The following RNF150 variants were observed in gnomAD, a reference collection of about 807,000 sequenced individuals.
RNF150 encodes the protein ring finger protein 150.
Under a neutral mutation model 39.3 loss-of-function variants are expected in RNF150, and 24 were observed. The observed-to-expected ratio is 0.61, with a 90% CI of 0.44 to 0.86. RNF150 has a LOEUF of 0.86. Among genes scored for constraint, RNF150 ranks in the 40% least tolerant of loss-of-function variants. RNF150 has a pLI of 0.00. For synonymous variants in RNF150, 255 were observed against 227.3 expected, an observed-to-expected ratio of 1.12 and a Z score of -1.10; for missense variants, 502 against 587.8, an observed-to-expected ratio of 0.85 and a Z score of 1.51.
At chr4:141,038,370 C>A (rs557135638) in intron 1 of RNF150, among the ~76,000 whole-genome samples, 1 of 152,244 alleles carries the variant, frequency 6.6e-6, no homozygotes, top group Admixed American at 6.5e-5. Flanking sequence ...TTGACAGCTT[C>A]TTCTGGGCGT....
chr4:141,189,553 G>A (rs1319426257), intron 1 of RNF150, among the ~76,000 whole-genome samples: 4 of 152,148 alleles, frequency 2.6e-5, no homozygotes, highest in Non-Finnish European at 5.9e-5. Context: ...TTATCTATAA[G>A]CCTCTGACTG....
intron 1 of RNF150, among the ~76,000 whole-genome samples, chr4:141,048,081 A>C (rs1295498319): frequency 6.6e-6 from 1 of 152,180 alleles, no homozygotes; most frequent in African/African-American, 2.4e-5. Context: ...CCCACTTCCT[A>C]TCGGGTCCTC....
At chr4:141,118,468 G>C (rs886416827) in intron 1 of RNF150, among the ~76,000 whole-genome samples, 2 of 152,146 alleles carry the variant, frequency 1.3e-5, no homozygotes, top group Non-Finnish European at 2.9e-5. Flanking sequence ...TAGTATGTCT[G>C]CTTTACCTTT....
chr4:141,052,029 T>A lies in RNF150; in HGVS notation c.484+80296A>T, dbSNP rs369948411. Among the ~76,000 whole-genome samples, 7 of 152,238 alleles carry A rather than the reference T, an allele frequency of 4.6e-5. No homozygotes were observed. The East Asian group carries it at 1.4e-3, about 29-fold the overall frequency. ...ACTAAGTCACATCTTAAGTGGATGGTAGCAGGCAAAGAGAGCTTCTGCAGG... is the reference window on the plus strand; with the variant it reads ...ACTAAGTCACATCTTAAGTGGATGGAAGCAGGCAAAGAGAGCTTCTGCAGG... On this transcript the variant is annotated intron_variant, in intron 1 of 6. Coordinates refer to ENST00000515673, the MANE Select transcript of RNF150 (RefSeq NM_020724.2).
intron 6 of RNF150, among the ~76,000 whole-genome samples, chr4:140,869,929 T>C (rs950317988): frequency 6.6e-6 from 1 of 152,120 alleles, no homozygotes; most frequent in Non-Finnish European, 1.5e-5. Flanking sequence ...TTCTCTTACT[T>C]TGCAGAAGAA....
At chr4:141,005,057 G>A (rs1734812355) in intron 1 of RNF150, among the ~76,000 whole-genome samples, 1 of 152,174 alleles carries the variant, frequency 6.6e-6, no homozygotes, top group Non-Finnish European at 1.5e-5. Flanking sequence ...GGCTTGGCAG[G>A]AGACAGGATA....
chr4:141,151,886 T>G (rs1727309074), intron 1 of RNF150, among the ~76,000 whole-genome samples: 2 of 152,266 alleles, frequency 1.3e-5, no homozygotes, highest in African/African-American at 4.8e-5. Context: ...CAAATTTCAT[T>G]AAGATGGAAA....
intron 1 of RNF150, among the ~76,000 whole-genome samples, chr4:140,990,157 T>A (rs1734145844): frequency 1.3e-5 from 2 of 152,092 alleles, no homozygotes; most frequent in Non-Finnish European, 2.9e-5. Context: ...CACCCAGGAG[T>A]GAAAGGCCTC....
At chr4:140,901,779 A>G (rs1403957590) in intron 6 of RNF150, among the ~76,000 whole-genome samples, 2 of 152,240 alleles carry the variant, frequency 1.3e-5, no homozygotes, top group African/African-American at 4.8e-5. Flanking sequence ...TAATTGTAAA[A>G]GAAACACCAG....
chr4:140,926,026 C>T lies in RNF150; in HGVS notation c.938G>A (p.Arg313His). The T allele has an allele frequency of 2.5e-6, 4 of 1,614,016 alleles. No homozygotes were observed. Among genetic ancestry groups the T allele is most frequent in the Non-Finnish European group, 2.5e-6 (3 of 1,179,920 alleles). ...SCVDPWLLDH[R>H]TCPMCKMNIL... ...GTTCATCTTGCACATGGGACAGGTA[C>T]GATGGTCTAGAAGCCAGGGGTCAAC... Residue 313 changes from arginine to histidine, a missense_variant, in exon 5 of 7, where the codon CGT becomes CAT. Transcript: ENST00000515673.
intron 1 of RNF150, among the ~76,000 whole-genome samples, chr4:141,026,978 T>C (rs1444413759): frequency 6.6e-6 from 1 of 152,168 alleles, no homozygotes; most frequent in Non-Finnish European, 1.5e-5. Context: ...CATGAAGCTA[T>C]GAGGTGTTAT....
Position 141,133,051 on chromosome 4 carries a change from G to A in RNF150, c.-243C>T. 1 of 429,922 alleles carries A rather than the reference G, an allele frequency of 2.3e-6. No homozygotes were observed. Among genetic ancestry groups the A allele is most frequent in the South Asian group, 2.6e-5 (1 of 38,786 alleles). 26.6% of individuals were successfully genotyped at this position (429,922 alleles called of 1,614,324 possible). On this transcript the variant is annotated 5_prime_UTR_variant, in exon 1 of 7. Transcript: ENST00000515673. ...TGCATTTTGCTTCTTGGGCGCCCGG[G>A]GGGCGCGGGAACAGAGGGCCCGCGG...
chr4:140,990,831 A>G (rs1734170839), intron 1 of RNF150, among the ~76,000 whole-genome samples: 1 of 152,032 alleles, frequency 6.6e-6, no homozygotes, highest in Non-Finnish European at 1.5e-5. Flanking sequence ...CATGATTTAT[A>G]TTCCTTTGGG....
chr4:141,065,425 A>G (rs576664813), intron 1 of RNF150, among the ~76,000 whole-genome samples: 40 of 152,300 alleles, frequency 2.6e-4, no homozygotes, highest in African/African-American at 8.2e-4. Flanking sequence ...AACTATTAGA[A>G]AGAGTTTACA....
At chr4:141,114,836 A>G (rs974082188) in intron 1 of RNF150, among the ~76,000 whole-genome samples, 3 of 152,244 alleles carry the variant, frequency 2.0e-5, no homozygotes, top group African/African-American at 7.2e-5. Flanking sequence ...AGGCTGGTTC[A>G]ACATATGCAA....
intron 6 of RNF150, among the ~76,000 whole-genome samples, chr4:140,909,873 A>G (rs1730525040): frequency 6.6e-6 from 1 of 152,184 alleles, no homozygotes; most frequent in African/African-American, 2.4e-5. Flanking sequence ...GCATGTGCAG[A>G]TATTTCTCAC....
chr4:141,096,801 G>T (rs2111024446), intron 1 of RNF150, among the ~76,000 whole-genome samples: 1 of 152,298 alleles, frequency 6.6e-6, no homozygotes, highest in Non-Finnish European at 1.5e-5. Flanking sequence ...GGACCTCAAA[G>T]TCCTGCTTAA....
Position 140,936,962 on chromosome 4 carries a change from G to A in RNF150, c.890+10692C>T, listed in dbSNP as rs183589081. Reference sequence around the variant, plus strand: ...AAAATTTACTACTCCATGGTTCTGAGAGAGTGCTAGCATAAACACTCTCAC... The same window carrying A: ...AAAATTTACTACTCCATGGTTCTGAAAGAGTGCTAGCATAAACACTCTCAC... On this transcript the variant is annotated intron_variant, in intron 4 of 6. Transcript: ENST00000515673. Among the ~76,000 whole-genome samples, 207 of 152,250 alleles carry A rather than the reference G, an allele frequency of 1.4e-3. 1 individual carries two copies. Among genetic ancestry groups the A allele is most frequent in the Middle Eastern group, 3.4e-3 (1 of 294 alleles).
In RNF150 at chr4:140,917,341, G is replaced by A. The variant is rs1199828462; in HGVS notation, c.988-5987C>T. ...ATAGGCTCAAAATAAAGGGATGGAGGAAGATCTACCAAGCAAATGGAAAAC... is the reference window on the plus strand; with the variant it reads ...ATAGGCTCAAAATAAAGGGATGGAGAAAGATCTACCAAGCAAATGGAAAAC... On this transcript the variant is annotated intron_variant, in intron 5 of 6. Transcript: ENST00000515673. 5.3e-5 allele frequency among the ~76,000 whole-genome samples: 8 copies of A among 152,186 alleles called. No individual in the cohort carries two copies. In the East Asian group the frequency reaches 1.4e-3, roughly 26 times the overall value.
Sources: gnomAD v4.1 joint callset for allele counts (sites outside exome capture counted in the v4.1 genomes callset) on GRCh38, gnomAD v4.1.1 for gene constraint, MANE v1.5 for transcripts, NCBI Gene and HGNC (gene_info 2026-07-23, HGNC 2026-07-21) for gene names.